MAGI2: variants seen among roughly 807,000 people sequenced by gnomAD.
MAGI2 encodes membrane-associated guanylate kinase, WW and PDZ domain-containing protein 2.
A neutral mutation model predicts 133.3 loss-of-function variants in MAGI2; 35 were observed. The ratio of observed to expected loss-of-function variants is 0.26; its 90% CI spans 0.20 to 0.35. MAGI2 has a LOEUF of 0.35. Ranked by LOEUF, MAGI2 falls within the 10% of genes least tolerant of loss-of-function variation. The pLI, the probability that MAGI2 is intolerant of heterozygous loss-of-function variation, is 1.00. For missense variants in MAGI2, 1,636 were observed against 1,863.4 expected (o/e 0.88, Z 2.25); for synonymous variants, 729 against 710.6 (o/e 1.03, Z -0.41).
chr7:78,833,904 T>C lies in MAGI2; in HGVS notation c.418+173186A>G, dbSNP rs571264235. On this transcript the variant is annotated intron_variant, in intron 2 of 21. Coordinates refer to ENST00000354212, the MANE Select transcript of MAGI2 (RefSeq NM_012301.4). Reference sequence around the variant, plus strand: ...TTTTGTTATCTTTGATTATGTAGTATATAATGGTTAGAATAGAAAACTGAA... The same window carrying C: ...TTTTGTTATCTTTGATTATGTAGTACATAATGGTTAGAATAGAAAACTGAA... Among the ~76,000 whole-genome samples the C allele has an allele frequency of 3.3e-5, 5 of 152,312 alleles. No homozygotes were observed. The South Asian group carries it at 1.0e-3, about 32-fold the overall frequency.
intron 4 of MAGI2, among the ~76,000 whole-genome samples, chr7:78,506,013 C>T (rs1795053707): frequency 6.6e-6 from 1 of 152,062 alleles, no homozygotes. Context: ...GTCCTGAGAG[C>T]AAAGATACTG....
chr7:78,918,067 A>G (rs1425374957), intron 2 of MAGI2, among the ~76,000 whole-genome samples: 1 of 152,094 alleles, frequency 6.6e-6, no homozygotes, highest in East Asian at 1.9e-4. Flanking sequence ...CTGAACGGAA[A>G]GTTCTAACCC....
chr7:79,436,901 T>A (rs1013292794), intron 1 of MAGI2, among the ~76,000 whole-genome samples: 2 of 152,174 alleles, frequency 1.3e-5, no homozygotes, highest in African/African-American at 4.8e-5. Context: ...AATGCATATG[T>A]TCACTGCAGC....
chr7:78,521,344 T>C, intron 4 of MAGI2, 86 bp downstream of exon 4: 1 of 891,172 alleles, frequency 1.1e-6, no homozygotes, highest in South Asian at 1.4e-5. Flanking sequence ...TATCTGTATA[T>C]ATATCTTACT....
At chr7:78,992,182 C>A (rs1283138717) in intron 2 of MAGI2, among the ~76,000 whole-genome samples, 1 of 151,966 alleles carries the variant, frequency 6.6e-6, no homozygotes, top group East Asian at 1.9e-4. Context: ...AACTGTGATA[C>A]AGAGTAGTTA....
intron 21 of MAGI2, among the ~76,000 whole-genome samples, chr7:78,048,418 G>C (rs868618332): frequency 1.2e-4 from 18 of 152,236 alleles, no homozygotes; most frequent in African/African-American, 3.9e-4. Flanking sequence ...GTCAGTTGGA[G>C]TCACTCTCTC....
chr7:79,451,666 G>A (rs1026593143), intron 1 of MAGI2, among the ~76,000 whole-genome samples: 2 of 152,062 alleles, frequency 1.3e-5, no homozygotes, highest in African/African-American at 4.8e-5. Flanking sequence ...GTTTTTTAGA[G>A]AATAATTTAA....
At chr7:79,130,849 T>G (rs1009672982) in intron 1 of MAGI2, among the ~76,000 whole-genome samples, 1 of 152,146 alleles carries the variant, frequency 6.6e-6, no homozygotes, top group African/African-American at 2.4e-5. Flanking sequence ...AGCCAAAAGG[T>G]AGCTTGGTTA....
intron 2 of MAGI2, among the ~76,000 whole-genome samples, chr7:78,886,099 G>T (rs546563336): frequency 2.0e-5 from 3 of 152,340 alleles, no homozygotes; most frequent in African/African-American, 7.2e-5. Context: ...TCAACAAATT[G>T]CCCAAAGCAA....
At chr7:78,633,096 A>G (rs1204294989) in intron 2 of MAGI2, among the ~76,000 whole-genome samples, 1 of 152,230 alleles carries the variant, frequency 6.6e-6, no homozygotes, top group Non-Finnish European at 1.5e-5. Flanking sequence ...CTATGGGAAC[A>G]TGGATGGAGC....
chr7:78,400,464 A>G (rs1796757122), intron 6 of MAGI2, among the ~76,000 whole-genome samples: 1 of 152,222 alleles, frequency 6.6e-6, no homozygotes, highest in African/African-American at 2.4e-5. Context: ...CTGATTTTTA[A>G]ATCATTTGTT....
chr7:79,265,044 G>A (rs1028678152), intron 1 of MAGI2, among the ~76,000 whole-genome samples: 2 of 152,104 alleles, frequency 1.3e-5, no homozygotes, highest in African/African-American at 2.4e-5. Flanking sequence ...GGGATCAAAT[G>A]TCAATATGAG....
intron 21 of MAGI2, among the ~76,000 whole-genome samples, chr7:78,058,514 C>T (rs1812890600): frequency 6.8e-6 from 1 of 147,528 alleles, no homozygotes; most frequent in East Asian, 2.0e-4. Flanking sequence ...CTTTGTTGCC[C>T]AGGCTGGTGT....
intron 1 of MAGI2, among the ~76,000 whole-genome samples, chr7:79,249,607 C>T (rs1833083305): frequency 6.6e-6 from 1 of 151,970 alleles, no homozygotes; most frequent in Non-Finnish European, 1.5e-5. Flanking sequence ...TGAAGAAATC[C>T]AAAACCTGAG....
At chr7:79,176,985 A>G (rs1826156859) in intron 1 of MAGI2, 1 of 151,992 alleles carries the variant, frequency 6.6e-6, no homozygotes, top group African/African-American at 2.4e-5. Context: ...GCAGTGCTTC[A>G]AATGATGCGG....
intron 2 of MAGI2, among the ~76,000 whole-genome samples, chr7:78,669,183 T>C (rs1326328984): frequency 1.3e-5 from 2 of 151,490 alleles, no homozygotes; most frequent in African/African-American, 4.9e-5. Flanking sequence ...GCAAGACTAA[T>C]AAAGAAGAAA....
chr7:79,453,036 G>C lies in MAGI2; in HGVS notation c.285C>G (p.Leu95=). The C allele has an allele frequency of 1.3e-6, 2 of 1,593,960 alleles. No individual in the cohort carries two copies. Among genetic ancestry groups the C allele is most frequent in the Non-Finnish European group, 1.7e-6 (2 of 1,169,580 alleles). Reference sequence around the variant, plus strand: ...TGCTCTCACCTTGCTTGACACACTTGAGCCGGAGGGGGTCCTTGCAGTGTT... The same window carrying C: ...TGCTCTCACCTTGCTTGACACACTTCAGCCGGAGGGGGTCCTTGCAGTGTT... The part of the protein sequence containing the change: ...VIKHCKDPLR[L]KCVKQGGIVD... The change falls in exon 1 of 22, where the codon CTC becomes CTG. Residue 95 remains leucine (L), a synonymous_variant. Coordinates refer to ENST00000354212, the MANE Select transcript of MAGI2 (RefSeq NM_012301.4).
intron 1 of MAGI2, among the ~76,000 whole-genome samples, chr7:79,215,457 C>T (rs1484680962): frequency 6.6e-6 from 1 of 151,982 alleles, no homozygotes; most frequent in Non-Finnish European, 1.5e-5. Flanking sequence ...CATCTATTCT[C>T]TCTGAAACCT....
chr7:79,101,649 G>A (rs528785808), intron 1 of MAGI2, among the ~76,000 whole-genome samples: 3 of 151,016 alleles, frequency 2.0e-5, no homozygotes, highest in Non-Finnish European at 3.0e-5. Context: ...GCGGGAACCC[G>A]GGAGGTGGAG....
Sources: gnomAD v4.1 joint callset for allele counts (sites outside exome capture counted in the v4.1 genomes callset) on GRCh38, gnomAD v4.1.1 for gene constraint, MANE v1.5 for transcripts, NCBI Gene and HGNC (gene_info 2026-07-23, HGNC 2026-07-21) for gene names.